Variants in RANGAP1 observed in about 807,000 individuals in gnomAD.
The protein encoded by RANGAP1 is Ran GTPase activating protein 1, also known as ran GTPase-activating protein 1.
Under a neutral mutation model 63.5 loss-of-function variants are expected in RANGAP1, and 38 were observed. That is an observed-to-expected ratio of 0.60 (90% confidence interval 0.46 to 0.78). The LOEUF (loss-of-function observed/expected upper bound fraction) is 0.78, where lower values mean the gene tolerates loss of function less well. Among genes scored for constraint, RANGAP1 ranks in the 30% least tolerant of loss-of-function variants. The probability of loss-of-function intolerance (pLI) is 0.00; values close to 1 mark genes in which losing one functional copy is unlikely to be tolerated. For missense variants in RANGAP1, 630 were observed against 740.3 expected, an observed-to-expected ratio of 0.85 and a Z score of 1.73; for synonymous variants, 329 against 310.5, an observed-to-expected ratio of 1.06 and a Z score of -0.63.
Position 41,257,879 on chromosome 22 carries a change from C to G in RANGAP1, c.774+69G>C. 2.0e-6 allele frequency: 3 copies of G among 1,507,148 alleles called. No individual in the cohort carries two copies. The highest frequency in any genetic ancestry group is 2.7e-6 in the Non-Finnish European group (3 of 1,112,672). 93.4% of individuals were successfully genotyped at this position (1,507,148 alleles called of 1,614,324 possible). ...GAGTCCCTGCTAAACGGAGCCCCAGCTTCCCTGGAAAGACAGCAGCCAGCC... is the reference window on the plus strand; with the variant it reads ...GAGTCCCTGCTAAACGGAGCCCCAGGTTCCCTGGAAAGACAGCAGCCAGCC... On this transcript the variant is annotated intron_variant, in intron 7 of 15. Coordinates refer to ENST00000356244, the MANE Select transcript of RANGAP1 (RefSeq NM_002883.4). This position sits in a 1 kb window ranked among gnomAD's most constrained non-coding sequence, Gnocchi z 4.0.
chr22:41,290,229 CTTTTTTT>C (rs11336113), upstream of RANGAP1, among the ~76,000 whole-genome samples: 1 of 108,298 alleles, frequency 9.2e-6, no homozygotes, highest in Admixed American at 1.0e-4. Context: ...ATTATTATTA[CTTTTTTT>C]TTTTTTTTTT....
the RANGAP1 span, among the ~76,000 whole-genome samples, chr22:41,293,018 G>A: frequency 2.7e-5 from 4 of 150,368 alleles, no homozygotes; most frequent in South Asian, 2.1e-4. Context: ...GGCGGATCAC[G>A]AGGTCAGGAG....
At chr22:41,290,324 G>A (rs1401372196), upstream of RANGAP1, among the ~76,000 whole-genome samples, 1 of 151,472 alleles carries the variant, frequency 6.6e-6, no homozygotes, top group Non-Finnish European at 1.5e-5. Flanking sequence ...CTGCCTCCCG[G>A]GTTCAAACGA....
intron 3 of RANGAP1, among the ~76,000 whole-genome samples, chr22:41,270,543 GC>G (rs2034745412): frequency 6.6e-6 from 1 of 152,102 alleles, no homozygotes; most frequent in Admixed American, 6.5e-5. Context: ...GACCTCCCAG[GC>G]TCAAGCCATC....
Position 41,254,323 on chromosome 22 carries a change from C to T in RANGAP1, c.1245G>A (p.Leu415=). ...AGAAACTCACCCCAGTGTTAGGGTC[C>T]AGAATCTTCCGTGAGGGCGTGGCTG... ...EKSATPSRKI[L]DPNTGEPAPV... is the part of the protein sequence containing the mutation. Residue 415 remains leucine, a synonymous_variant, in exon 11 of 16, where the codon CTG becomes CTA. Transcript: ENST00000356244. The T allele has an allele frequency of 1.2e-6, 2 of 1,614,160 alleles. No homozygotes were observed. The highest frequency in any genetic ancestry group is 2.2e-5 in the South Asian group (2 of 91,078).
At position 41,274,723 on chromosome 22, in the gene RANGAP1, T is replaced by G; in HGVS notation, c.117A>C (p.Lys39Asn). ...SLKLNTAEDA[K>N]DVIKEIEDFD... ...AGTCTTCAATCTCTTTAATCACATC[T>G]TTAGCTGCCAGGGACCAAAGAGCAG... Residue 39 changes from lysine to asparagine, a missense_variant, in exon 3 of 16, where the codon AAA becomes AAC. This residue lies in a region of RANGAP1 where 65 missense variants were observed against 60.5 expected (regional missense o/e 1.07). Coordinates refer to ENST00000356244, the MANE Select transcript of RANGAP1 (RefSeq NM_002883.4). The G allele has an allele frequency of 6.2e-7, 1 of 1,614,046 alleles. No homozygotes were observed. Among genetic ancestry groups the G allele is most frequent in the South Asian group, 1.1e-5 (1 of 91,080 alleles).
At chr22:41,287,647 A>G (rs529523280), upstream of RANGAP1, among the ~76,000 whole-genome samples, 14 of 151,906 alleles carry the variant, frequency 9.2e-5, no homozygotes, top group African/African-American at 3.1e-4. Flanking sequence ...GCGACAGAGC[A>G]AGACCTTGTC....
At chr22:41,248,382 T>C (rs1041651172) in intron 15 of RANGAP1, among the ~76,000 whole-genome samples, 2 of 152,198 alleles carry the variant, frequency 1.3e-5, no homozygotes. Context: ...GGCGGCGCCA[T>C]GCAGACACTG....
At chr22:41,282,362 C>T (rs1321566373) in intron 1 of RANGAP1, 1 of 152,194 alleles carries the variant, frequency 6.6e-6, no homozygotes, top group Non-Finnish European at 1.5e-5. Context: ...CTCAGTCGCC[C>T]AGGCTGGAGC....
intron 5 of RANGAP1, among the ~76,000 whole-genome samples, chr22:41,262,523 C>T (rs926916536): frequency 1.1e-4 from 17 of 152,170 alleles, no homozygotes; most frequent in Admixed American, 4.6e-4. Context: ...GCCAAGGTCA[C>T]CCGGTAAGTA....
At position 41,281,584 on chromosome 22, in the gene RANGAP1, T is replaced by TGG. The variant is rs1171383101; in HGVS notation, c.-38-504_-38-503dup. 3.0e-6 allele frequency: 3 copies of TGG among 987,972 alleles called. No individual in the cohort carries two copies. The African/African-American group carries it at 5.2e-5, about 17-fold the overall frequency. 61.2% of individuals were successfully genotyped at this position (987,972 alleles called of 1,614,324 possible). ...CACCCACGCTGGCATGACTCTGGGG[T>TGG]GGGGCACAGGGGTCAGCCCCACTGC... On this transcript the variant is annotated intron_variant, in intron 1 of 15. Transcript: ENST00000356244.
At position 41,254,264 on chromosome 22, in the gene RANGAP1, T is replaced by C. The variant is rs779494390; in HGVS notation, c.1260+44A>G. ...GTGAAAGTGCCTCGGGATTTCACGT[T>C]CTCAGGACCAGGGCTCTGATTGTGG... is the stretch of plus-strand genomic sequence containing the variant. On this transcript the variant is annotated intron_variant, in intron 11 of 15. Transcript: ENST00000356244. 5 of 1,611,564 alleles carry C rather than the reference T, an allele frequency of 3.1e-6. No homozygotes were observed. In the South Asian group the frequency reaches 5.5e-5, roughly 18 times the overall value.
intron 3 of RANGAP1, among the ~76,000 whole-genome samples, chr22:41,268,380 G>A (rs1045497364): frequency 2.0e-5 from 3 of 152,078 alleles, no homozygotes; most frequent in African/African-American, 7.2e-5. Context: ...CTAAGCCTCC[G>A]GAGTAGCTGG....
chr22:41,269,923 T>C (rs2034701303), intron 3 of RANGAP1, among the ~76,000 whole-genome samples: 1 of 152,140 alleles, frequency 6.6e-6, no homozygotes. Flanking sequence ...AATCTCCGCC[T>C]CCCAGGTTCA....
chr22:41,290,032 T>G (rs2035819475), upstream of RANGAP1, among the ~76,000 whole-genome samples: 1 of 151,878 alleles, frequency 6.6e-6, no homozygotes, highest in South Asian at 2.1e-4. Context: ...TCCCAGCTAC[T>G]AGGGAGGCTG....
intron 2 of RANGAP1, among the ~76,000 whole-genome samples, chr22:41,279,129 C>A (rs1337509359): frequency 6.6e-6 from 1 of 151,668 alleles, no homozygotes; most frequent in African/African-American, 2.4e-5. Flanking sequence ...GGTAACAGAG[C>A]GAGACTCCGT....
chr22:41,270,544 C>T (rs1174220602), intron 3 of RANGAP1, among the ~76,000 whole-genome samples: 1 of 152,164 alleles, frequency 6.6e-6, no homozygotes, highest in African/African-American at 2.4e-5. Flanking sequence ...ACCTCCCAGG[C>T]TCAAGCCATC....
upstream of RANGAP1, among the ~76,000 whole-genome samples, chr22:41,291,131 A>G (rs1417334657): frequency 3.9e-5 from 6 of 152,260 alleles, no homozygotes; most frequent in South Asian, 4.1e-4. Flanking sequence ...TGTTCTACAA[A>G]TAGTTATCAA....
rs1425483500 is a variant in RANGAP1, at chr22:41,248,790, G to A, written c.1694+540C>T. On this transcript the variant is annotated intron_variant, in intron 15 of 15. Coordinates refer to ENST00000356244, the MANE Select transcript of RANGAP1 (RefSeq NM_002883.4). The stretch of plus-strand genomic sequence containing the variant: ...CCCATCAATGCCCCGGGACACCCCA[G>A]GACCCTCCAGAACAAGGCCAAGGTT... Among the ~76,000 whole-genome samples the A allele has an allele frequency of 2.0e-5, 3 of 152,208 alleles. 1 individual carries two copies. The highest frequency in any genetic ancestry group is 2.0e-4 in the Admixed American group (3 of 15,290).
Sources: gnomAD v4.1 joint callset for allele counts (sites outside exome capture counted in the v4.1 genomes callset) on GRCh38, gnomAD v4.1.1 for gene constraint, gnomAD v4.1.1 regional missense constraint, Gnocchi (gnomAD v3.1) non-coding constraint, MANE v1.5 for transcripts, NCBI Gene and HGNC (gene_info 2026-07-23, HGNC 2026-07-21) for gene names.